The following DCT variants were observed in gnomAD, a reference collection of about 807,000 sequenced individuals.
DCT encodes dopachrome tautomerase.
A neutral mutation model predicts 53.0 loss-of-function variants in DCT; 47 were observed. The observed-to-expected ratio is 0.89, with a 90% CI of 0.70 to 1.13. The LOEUF is 1.13. Among genes scored for constraint, DCT ranks in the 50% most tolerant of loss-of-function variants. The probability of loss-of-function intolerance (pLI) is 0.00; values close to 1 mark genes in which losing one functional copy is unlikely to be tolerated. For missense variants in DCT, 669 were observed against 637.4 expected (o/e 1.05, Z -0.53); for synonymous variants, 244 against 237.0 (o/e 1.03, Z -0.27).
chr13:94,525,333 C>A, the DCT span, among the ~76,000 whole-genome samples: 1 of 152,122 alleles, frequency 6.6e-6, no homozygotes, highest in Admixed American at 6.5e-5. Flanking sequence ...AACTCCTGAC[C>A]TCAGGTGATC....
At chr13:94,501,284 T>TAAA in the DCT span, among the ~76,000 whole-genome samples, 1 of 151,836 alleles carries the variant, frequency 6.6e-6, no homozygotes, top group African/African-American at 2.4e-5. Flanking sequence ...AATAAATAAA[T>TAAA]TAATTAATTA....
the DCT span, among the ~76,000 whole-genome samples, chr13:94,526,438 C>A: frequency 6.6e-6 from 1 of 152,130 alleles, no homozygotes; most frequent in Non-Finnish European, 1.5e-5. Flanking sequence ...AGTTCAAGAC[C>A]AGCCTGGGCA....
the DCT span, among the ~76,000 whole-genome samples, chr13:94,533,671 G>A: frequency 6.6e-6 from 1 of 152,156 alleles, no homozygotes. Context: ...TCTAGTCCCA[G>A]CTACTTGGGA....
chr13:94,460,305 T>C, intron 5 of DCT, 79 bp from the exon 6 acceptor site: 2 of 1,358,022 alleles, frequency 1.5e-6, no homozygotes, highest in Non-Finnish European at 2.1e-6. Context: ...GCCTAGATAA[T>C]AGTTGTCTAA....
chr13:94,511,925 G>T, the DCT span, among the ~76,000 whole-genome samples: 1 of 151,724 alleles, frequency 6.6e-6, no homozygotes, highest in African/African-American at 2.4e-5. Flanking sequence ...GAGCAATGGT[G>T]CAATCATAGC....
the DCT span, among the ~76,000 whole-genome samples, chr13:94,487,118 G>T: frequency 6.6e-6 from 1 of 152,204 alleles, no homozygotes; most frequent in African/African-American, 2.4e-5. Context: ...GAAAGTCTTT[G>T]TTAGAAACTG....
chr13:94,514,600 G>C, the DCT span, among the ~76,000 whole-genome samples: 2 of 152,172 alleles, frequency 1.3e-5, no homozygotes, highest in African/African-American at 2.4e-5. Flanking sequence ...AGCTAAACAG[G>C]AGTTAACCAG....
intron 7 of DCT, among the ~76,000 whole-genome samples, 154 bp from the exon 8 acceptor site, chr13:94,440,230 C>T (rs558879830): frequency 3.9e-5 from 6 of 152,192 alleles, no homozygotes; most frequent in Non-Finnish European, 7.3e-5. Context: ...CCTTTCTCAC[C>T]ATTTATCATA....
At chr13:94,538,034 AG>A in the DCT span, among the ~76,000 whole-genome samples, 5 of 152,338 alleles carry the variant, frequency 3.3e-5, no homozygotes, top group East Asian at 9.7e-4. Context: ...AATAGCAGCC[AG>A]TCAGAAAATC....
At chr13:94,446,690 G>A (rs1244236485) in intron 6 of DCT, among the ~76,000 whole-genome samples, 1 of 152,180 alleles carries the variant, frequency 6.6e-6, no homozygotes, top group African/African-American at 2.4e-5. Flanking sequence ...ACACCAAGAT[G>A]TCAGTGGGGC....
At chr13:94,536,317 A>C in the DCT span, among the ~76,000 whole-genome samples, 13 of 152,174 alleles carry the variant, frequency 8.5e-5, no homozygotes, top group Non-Finnish European at 1.8e-4. Context: ...TGATGCCTCC[A>C]AGAAGCTGCT....
In DCT at chr13:94,438,927, A is replaced by T. The variant is rs1002849757; in HGVS notation, c.*971T>A. The T allele has an allele frequency of 1.4e-5, 3 of 215,834 alleles. No individual in the cohort carries two copies. Among genetic ancestry groups the T allele is most frequent in the African/African-American group, 7.1e-5 (3 of 42,526 alleles). 13.4% of individuals were successfully genotyped at this position (215,834 alleles called of 1,614,324 possible). On this transcript the variant is annotated 3_prime_UTR_variant, in exon 8 of 8. Transcript: ENST00000377028. ...GTGCATTATGTGGGAATAATTTTTC[A>T]TCTGAGGCTACCTAGTAAAGAAATT...
chr13:94,541,942 A>C, the DCT span, among the ~76,000 whole-genome samples: 62 of 152,316 alleles, frequency 4.1e-4, no homozygotes, highest in African/African-American at 1.4e-3. Flanking sequence ...ATTTTAGGAA[A>C]ACATCAGTAC....
At chr13:94,498,123 G>C in the DCT span, among the ~76,000 whole-genome samples, 1 of 152,322 alleles carries the variant, frequency 6.6e-6, no homozygotes, top group South Asian at 2.1e-4. Context: ...TCTTGGATGA[G>C]TGAAATCCCC....
intron 7 of DCT, among the ~76,000 whole-genome samples, chr13:94,442,283 G>A (rs1455986257): frequency 6.6e-6 from 1 of 152,084 alleles, no homozygotes; most frequent in Non-Finnish European, 1.5e-5. Flanking sequence ...TCTTGATTAA[G>A]ATTTTTTAAA....
the DCT span, among the ~76,000 whole-genome samples, chr13:94,512,216 GA>G: frequency 1.3e-5 from 2 of 152,156 alleles, no homozygotes; most frequent in South Asian, 4.1e-4. Flanking sequence ...CTACATGTCA[GA>G]AACTGCTCTC....
At chr13:94,504,996 T>C in the DCT span, among the ~76,000 whole-genome samples, 1 of 152,066 alleles carries the variant, frequency 6.6e-6, no homozygotes, top group Non-Finnish European at 1.5e-5. Context: ...ACTTCATTTG[T>C]CTTTGTATCC....
rs61758413 is a variant in DCT at position 94,478,828 on chromosome 13, C to T, written c.295+133G>A. The T allele has an allele frequency of 1.5e-3, 1,256 of 853,734 alleles. 18 individuals are homozygous for T. The African/African-American group carries it at 0.019, about 13-fold the overall frequency. The allele number at this position is 853,734 out of a possible 1,614,324, so 52.9% of individuals were successfully genotyped here. A position where few individuals can be genotyped will look rare whatever the true frequency, so the allele number is the denominator to read the frequency against. On this transcript the variant is annotated intron_variant, in intron 1 of 7. Coordinates refer to ENST00000377028, the MANE Select transcript of DCT (RefSeq NM_001922.5). Reference sequence around the variant, plus strand: ...ACATCAGCCTTATTGAATATGCTTCCGACCAAAACCATCATTGGTTTGCCT... The same window carrying T: ...ACATCAGCCTTATTGAATATGCTTCTGACCAAAACCATCATTGGTTTGCCT...
intron 6 of DCT, among the ~76,000 whole-genome samples, chr13:94,458,993 C>T (rs940893033): frequency 3.3e-5 from 5 of 152,006 alleles, no homozygotes; most frequent in Non-Finnish European, 7.4e-5. Context: ...CCTCCCACCA[C>T]AGCCTCCCAA....
Sources: allele counts gnomAD v4.1 joint callset (sites outside exome capture counted in the v4.1 genomes callset), GRCh38; gene constraint gnomAD v4.1.1; transcripts MANE v1.5; gene names NCBI Gene and HGNC (gene_info 2026-07-23, HGNC 2026-07-21).